Variants in NRXN1 observed in about 807,000 individuals in gnomAD.
NRXN1 encodes neurexin-1.
A neutral mutation model predicts 150.9 loss-of-function variants in NRXN1; 39 were observed. That is an observed-to-expected ratio of 0.26 (90% CI 0.20 to 0.34). NRXN1 has a LOEUF of 0.34. Among genes scored for constraint, NRXN1 ranks in the 10% least tolerant of loss-of-function variants. NRXN1 has a pLI of 1.00. For synonymous variants in NRXN1, 924 were observed against 757.0 expected (o/e 1.22, Z -3.62); for missense variants, 1,815 against 1,949.9 (o/e 0.93, Z 1.30).
intron 5 of NRXN1, among the ~76,000 whole-genome samples, chr2:50,890,197 G>C (rs902641959): frequency 6.6e-6 from 1 of 151,678 alleles, no homozygotes; most frequent in Non-Finnish European, 1.5e-5. Flanking sequence ...TATCTGTTAT[G>C]TTTAGCAAAA....
intron 18 of NRXN1, among the ~76,000 whole-genome samples, chr2:50,137,968 G>C (rs1706670054): frequency 6.6e-6 from 1 of 152,006 alleles, no homozygotes; most frequent in South Asian, 2.1e-4. Context: ...CAGTTACTTT[G>C]GTTTACTTGA....
rs148418421 is a variant in NRXN1 at position 50,331,195 on chromosome 2, A to T, written c.3365-94225T>A. On this transcript the variant is annotated intron_variant, in intron 17 of 22. Coordinates refer to ENST00000401669, the MANE Select transcript of NRXN1 (RefSeq NM_001330078.2). ...AAAACTTTAAAAATTTGATATGATAAAATATATGCTGGAAATAATATGCAA... is the reference window on the plus strand; with the variant it reads ...AAAACTTTAAAAATTTGATATGATATAATATATGCTGGAAATAATATGCAA... 8.0e-3 allele frequency among the ~76,000 whole-genome samples: 1,212 copies of T among 152,248 alleles called. 10 individuals carry two copies. The highest frequency in any genetic ancestry group is 0.027 in the African/African-American group (1,123 of 41,566).
At chr2:50,888,715 A>G (rs1304394686) in intron 5 of NRXN1, among the ~76,000 whole-genome samples, 1 of 151,544 alleles carries the variant, frequency 6.6e-6, no homozygotes, top group African/African-American at 2.4e-5. Flanking sequence ...AATTGCCCTG[A>G]CAATGTATTC....
At chr2:50,865,658 GTTTTTT>G (rs71404978) in intron 5 of NRXN1, among the ~76,000 whole-genome samples, 3 of 41,860 alleles carry the variant, frequency 7.2e-5, no homozygotes, top group Middle Eastern at 0.042. Context: ...GCATTTGAAA[GTTTTTT>G]TTTTTTTTTT....
chr2:50,476,918 G>T (rs2090038574), intron 15 of NRXN1, among the ~76,000 whole-genome samples: 1 of 152,074 alleles, frequency 6.6e-6, no homozygotes, highest in Admixed American at 6.5e-5. Flanking sequence ...GAAGCCCAAG[G>T]GCCAGGTTGT....
Position 50,074,669 on chromosome 2 carries a change from G to T in NRXN1, c.3718+16654C>A, listed in dbSNP as rs921793468. Among the ~76,000 whole-genome samples the T allele has an allele frequency of 2.0e-5, 3 of 152,140 alleles. No individual in the cohort carries two copies. In the South Asian group the frequency reaches 6.2e-4, roughly 31 times the overall value. On this transcript the variant is annotated intron_variant, in intron 19 of 22. Transcript: ENST00000401669. ...CAATGCAGGATGATTTGATAATCTTGACAAATTGGTCTCTTGAGCTCTATA... is the reference window on the plus strand; with the variant it reads ...CAATGCAGGATGATTTGATAATCTTTACAAATTGGTCTCTTGAGCTCTATA...
At chr2:50,297,881 G>C (rs2073770091) in intron 17 of NRXN1, among the ~76,000 whole-genome samples, 1 of 152,014 alleles carries the variant, frequency 6.6e-6, no homozygotes. Context: ...CCATGTATAA[G>C]GGCAACATGG....
At chr2:50,205,770 AT>A (rs1278511684) in intron 18 of NRXN1, among the ~76,000 whole-genome samples, 3 of 152,166 alleles carry the variant, frequency 2.0e-5, no homozygotes, top group African/African-American at 7.2e-5. Context: ...ATTATTCAGT[AT>A]TTAAAATAAA....
At chr2:50,046,353 A>T (rs1345630257) in intron 21 of NRXN1, among the ~76,000 whole-genome samples, 1 of 152,196 alleles carries the variant, frequency 6.6e-6, no homozygotes, top group Non-Finnish European at 1.5e-5. Context: ...CAGAGAATTC[A>T]GCTTGGTACA....
intron 5 of NRXN1, among the ~76,000 whole-genome samples, chr2:50,675,329 C>T (rs566045697): frequency 5.9e-5 from 9 of 152,210 alleles, no homozygotes; most frequent in African/African-American, 9.6e-5. Context: ...ATACTGCTTG[C>T]GTCTAACGTG....
intron 2 of NRXN1, among the ~76,000 whole-genome samples, chr2:50,983,357 C>A (rs1306602404): frequency 6.6e-6 from 1 of 152,058 alleles, no homozygotes; most frequent in African/African-American, 2.4e-5. Context: ...AGATGCTTTT[C>A]CAGCTCCAGG....
intron 5 of NRXN1, among the ~76,000 whole-genome samples, chr2:50,794,819 C>T (rs1435406618): frequency 6.6e-6 from 1 of 152,156 alleles, no homozygotes; most frequent in East Asian, 1.9e-4. Context: ...ATAGCAAAAG[C>T]TTAAGATATC....
At chr2:50,288,859 A>G (rs1432690359) in intron 17 of NRXN1, among the ~76,000 whole-genome samples, 1 of 152,148 alleles carries the variant, frequency 6.6e-6, no homozygotes, top group Non-Finnish European at 1.5e-5. Context: ...AGGTGACTGT[A>G]CTAACCCTAA....
chr2:50,378,893 C>T (rs763893298), intron 17 of NRXN1, among the ~76,000 whole-genome samples: 1 of 151,990 alleles, frequency 6.6e-6, no homozygotes, highest in African/African-American at 2.4e-5. Flanking sequence ...TATGGGTTGC[C>T]GGACTTTTCT....
At chr2:50,272,467 C>A (rs186050371) in intron 17 of NRXN1, among the ~76,000 whole-genome samples, 30 of 152,038 alleles carry the variant, frequency 2.0e-4, no homozygotes, top group African/African-American at 6.5e-4. Flanking sequence ...AAAAAAGTGG[C>A]AAACAGAAAA....
chr2:50,816,069 A>G (rs1370111595), intron 5 of NRXN1, among the ~76,000 whole-genome samples: 3 of 152,172 alleles, frequency 2.0e-5, no homozygotes, highest in Non-Finnish European at 2.9e-5. Context: ...TTGAATATCA[A>G]TATTATTCTT....
At chr2:50,868,545 TA>T (rs1677303498) in intron 5 of NRXN1, among the ~76,000 whole-genome samples, 2 of 151,676 alleles carry the variant, frequency 1.3e-5, no homozygotes, top group South Asian at 4.1e-4. Context: ...TTGTGTTCCT[TA>T]AATTGATACA....
intron 5 of NRXN1, among the ~76,000 whole-genome samples, chr2:50,840,283 A>G (rs536748548): frequency 3.3e-5 from 5 of 152,256 alleles, no homozygotes; most frequent in Admixed American, 3.3e-4. Flanking sequence ...CTTTGCCATC[A>G]ATCTCAAAAC....
At chr2:50,837,191 T>C (rs80152024) in intron 5 of NRXN1, among the ~76,000 whole-genome samples, 3,132 of 152,278 alleles carry the variant, frequency 0.021, 111 homozygotes, top group African/African-American at 0.073. Flanking sequence ...TGTATAATAA[T>C]TCTTAAGAAA....
Sources: allele counts gnomAD v4.1 joint callset (sites outside exome capture counted in the v4.1 genomes callset), GRCh38; gene constraint gnomAD v4.1.1; transcripts MANE v1.5; gene names NCBI Gene and HGNC (gene_info 2026-07-23, HGNC 2026-07-21).